The following AK9 variants were observed in gnomAD, a reference collection of about 807,000 sequenced individuals.
The protein encoded by AK9 is adenylate kinase 9.
A neutral mutation model predicts 239.6 loss-of-function variants in AK9; 191 were observed. The ratio of observed to expected loss-of-function variants is 0.80; its 90% CI spans 0.71 to 0.90. The LOEUF is 0.90. Ranked by LOEUF, AK9 falls within the 40% of genes least tolerant of loss-of-function variation. AK9 has a pLI of 0.00. For missense variants in AK9, 1,995 were observed against 2,214.7 expected, an observed-to-expected ratio of 0.90 and a Z score of 1.99; for synonymous variants, 689 against 721.0, an observed-to-expected ratio of 0.96 and a Z score of 0.71.
At chr6:109,581,982 T>C (rs1288698354) in intron 19 of AK9, among the ~76,000 whole-genome samples, 6 of 152,228 alleles carry the variant, frequency 3.9e-5, no homozygotes. Context: ...CTAAATCTAC[T>C]CTGCCTGTGC....
intron 24 of AK9, among the ~76,000 whole-genome samples, chr6:109,560,450 C>G (rs1785607169): frequency 6.6e-6 from 1 of 151,988 alleles, no homozygotes; most frequent in Non-Finnish European, 1.5e-5. Flanking sequence ...AAGGAAGTTC[C>G]CTTCATTTTT....
chr6:109,632,339 T>C (rs1796172930), intron 12 of AK9: 2 of 982,880 alleles, frequency 2.0e-6, no homozygotes, highest in Non-Finnish European at 2.4e-6. Context: ...ACATTGCCCC[T>C]TCTAGAATTC....
At chr6:109,495,554 A>G in intron 38 of AK9, 114 bp from the exon 39 acceptor site, 1 of 658,676 alleles carries the variant, frequency 1.5e-6, no homozygotes. Flanking sequence ...TGCACTGGAG[A>G]AAATGATACA....
At chr6:109,526,519 A>G (rs1562353569) in intron 29 of AK9, among the ~76,000 whole-genome samples, 1 of 152,068 alleles carries the variant, frequency 6.6e-6, no homozygotes, top group Non-Finnish European at 1.5e-5. Context: ...GTCTACTGGT[A>G]GGGGAAGACA....
At chr6:109,665,643 G>A (rs1329333518) in intron 5 of AK9, among the ~76,000 whole-genome samples, 5 of 152,286 alleles carry the variant, frequency 3.3e-5, no homozygotes, top group African/African-American at 1.2e-4. Context: ...CTGACACATT[G>A]TGATGGTAGG....
intron 17 of AK9, among the ~76,000 whole-genome samples, chr6:109,599,510 C>A (rs1791596871): frequency 6.6e-6 from 1 of 152,166 alleles, no homozygotes; most frequent in African/African-American, 2.4e-5. Flanking sequence ...AGGTAGCATG[C>A]TGCCTCCAGC....
intron 26 of AK9, 26 bp from the exon 27 acceptor site, chr6:109,542,197 A>G (rs1206015763): frequency 6.4e-7 from 1 of 1,568,622 alleles, no homozygotes; most frequent in Non-Finnish European, 8.6e-7. Context: ...AGAAAACAAA[A>G]CAAGTTTTAA....
At chr6:109,674,295 G>C (rs780171748) in intron 2 of AK9, 34 bp from the exon 3 acceptor site, 5 of 1,444,432 alleles carry the variant, frequency 3.5e-6, no homozygotes, top group Non-Finnish European at 1.9e-6. Context: ...AAGCCCAATA[G>C]AACAGTTACT....
Position 109,548,540 on chromosome 6 carries a change from G to A in AK9, c.2964+1550C>T, listed in dbSNP as rs535954475. Among the ~76,000 whole-genome samples the A allele has an allele frequency of 2.6e-5, 4 of 152,292 alleles. No homozygotes were observed. In the East Asian group the frequency reaches 7.7e-4, roughly 29 times the overall value. On this transcript the variant is annotated intron_variant, in intron 25 of 40. Coordinates refer to ENST00000424296, the MANE Select transcript of AK9 (RefSeq NM_001145128.3). ...GACAATGTTGAAGATGAAGCCTGCA[G>A]TAACAGACCATCCACTTAAATTTGT...
chr6:109,542,230 G>A (rs1202821881), intron 26 of AK9, 59 bp from the exon 27 acceptor site: 38 of 1,458,516 alleles, frequency 2.6e-5, no homozygotes, highest in Non-Finnish European at 3.1e-5. Context: ...ATAATTGCAT[G>A]TTCTCACTCA....
At chr6:109,592,584 C>T (rs895709434) in intron 17 of AK9, among the ~76,000 whole-genome samples, 24 of 151,868 alleles carry the variant, frequency 1.6e-4, no homozygotes, top group Admixed American at 1.5e-3. Context: ...GTAGCTGGGA[C>T]TACAGGCGCC....
chr6:109,631,680 G>GT (rs1338151646), intron 12 of AK9: 1 of 152,152 alleles, frequency 6.6e-6, no homozygotes, highest in Admixed American at 6.5e-5. Flanking sequence ...ATACAAGAAT[G>GT]TTTATAGTAG....
At chr6:109,568,465 A>T (rs978375993) in intron 21 of AK9, among the ~76,000 whole-genome samples, 7 of 152,152 alleles carry the variant, frequency 4.6e-5, no homozygotes, top group Admixed American at 3.9e-4. Flanking sequence ...AGGGTATTCA[A>T]TTAGGAAAAG....
At chr6:109,634,379 G>A (rs950518664) in intron 10 of AK9, among the ~76,000 whole-genome samples, 6 of 152,174 alleles carry the variant, frequency 3.9e-5, no homozygotes, top group Non-Finnish European at 5.9e-5. Context: ...TTATTTCTGT[G>A]AACCAAATGA....
chr6:109,672,226 A>G, intron 3 of AK9, 59 bp from the exon 4 acceptor site: 1 of 1,405,968 alleles, frequency 7.1e-7, no homozygotes, highest in Non-Finnish European at 9.9e-7. Context: ...AAAATAAGAA[A>G]CACATTCTAG....
intron 28 of AK9, among the ~76,000 whole-genome samples, chr6:109,531,289 A>G (rs1781214940): frequency 6.6e-6 from 1 of 152,130 alleles, no homozygotes; most frequent in African/African-American, 2.4e-5. Flanking sequence ...AGGGAGGACA[A>G]TTAGGTCACT....
Position 109,499,214 on chromosome 6 carries a change from A to G in AK9, c.4876T>C (p.Cys1626Arg), listed in dbSNP as rs1018429948. The change falls in exon 36 of 41, where the codon TGT becomes CGT. Residue 1626 changes from cysteine (C) to arginine (R), a missense_variant. Around this residue, in one of 5 missense-constraint regions of AK9, gnomAD observed 391 missense variants for 456.0 expected, o/e 0.86. Transcript: ENST00000424296. ...GAAAGCAGCTCTTGAGGTGTGATAC[A>G]TAACTTGTCAATGCAGGCAGCTTTT... ...AGKAACIDKL[C>R]ITPQELLSRL... 1 of 1,551,744 alleles carries G rather than the reference A, an allele frequency of 6.4e-7. No individual in the cohort carries two copies. Among genetic ancestry groups the G allele is most frequent in the South Asian group, 1.2e-5 (1 of 81,924 alleles).
intron 17 of AK9, among the ~76,000 whole-genome samples, chr6:109,607,825 T>C (rs535083346): frequency 6.6e-6 from 1 of 151,382 alleles, no homozygotes; most frequent in Non-Finnish European, 1.5e-5. Context: ...TAGCTCATTC[T>C]AAAATTTATG....
At chr6:109,557,775 G>A (rs1039759644) in intron 24 of AK9, among the ~76,000 whole-genome samples, 1 of 152,314 alleles carries the variant, frequency 6.6e-6, no homozygotes, top group Admixed American at 6.5e-5. Context: ...AGGACTGGGT[G>A]CTATGGTAGG....
Sources: gnomAD v4.1 joint callset for allele counts (sites outside exome capture counted in the v4.1 genomes callset) on GRCh38, gnomAD v4.1.1 for gene constraint, gnomAD v4.1.1 regional missense constraint, MANE v1.5 for transcripts, NCBI Gene and HGNC (gene_info 2026-07-23, HGNC 2026-07-21) for gene names.